The following CPEB3 variants were observed in gnomAD, a reference collection of about 807,000 sequenced individuals.
CPEB3 encodes cytoplasmic polyadenylation element-binding protein 3.
Under a neutral mutation model 67.2 loss-of-function variants are expected in CPEB3, and 20 were observed. That is an observed-to-expected ratio of 0.30 (90% CI 0.21 to 0.43). The LOEUF (loss-of-function observed/expected upper bound fraction) is 0.43, where lower values mean the gene tolerates loss of function less well. Among genes scored for constraint, CPEB3 ranks in the 20% least tolerant of loss-of-function variants. The probability of loss-of-function intolerance (pLI) is 1.00; values close to 1 mark genes in which losing one functional copy is unlikely to be tolerated. For missense variants in CPEB3, 746 were observed against 968.6 expected (o/e 0.77, Z 3.05); for synonymous variants, 376 against 393.1 (o/e 0.96, Z 0.51).
At chr10:92,194,116 A>G (rs1849118090) in intron 2 of CPEB3, among the ~76,000 whole-genome samples, 2 of 150,828 alleles carry the variant, frequency 1.3e-5, no homozygotes, top group African/African-American at 4.9e-5. Flanking sequence ...ATTTCTGACC[A>G]GTAAGTTACA....
intron 2 of CPEB3, among the ~76,000 whole-genome samples, chr10:92,211,810 T>C (rs1590399748): frequency 6.6e-6 from 1 of 150,410 alleles, no homozygotes; most frequent in Non-Finnish European, 1.5e-5. Context: ...CCCAAAGTGC[T>C]AGAATTATGG....
intron 2 of CPEB3, among the ~76,000 whole-genome samples, chr10:92,203,164 A>C (rs1461302179): frequency 6.6e-6 from 1 of 150,960 alleles, no homozygotes; most frequent in Non-Finnish European, 1.5e-5. Context: ...AATGGTCTTG[A>C]TCTCCGGACC....
In CPEB3 at chr10:92,078,615, A is replaced by C. The variant is rs538551042; in HGVS notation, c.1869+2705T>G. ...TAAATGTTTACCAAGGACTACTCTG[A>C]GATATAAACAGTATATGGTTAACCC... is the stretch of plus-strand genomic sequence containing the variant. On this transcript the variant is annotated intron_variant, in intron 9 of 9. Transcript: ENST00000265997. Among the ~76,000 whole-genome samples the C allele has an allele frequency of 2.0e-5, 3 of 152,314 alleles. No individual in the cohort carries two copies. In the East Asian group the frequency reaches 5.8e-4, roughly 29 times the overall value.
chr10:92,219,445 C>A (rs1346463908), intron 2 of CPEB3, among the ~76,000 whole-genome samples: 6 of 152,166 alleles, frequency 3.9e-5, no homozygotes, highest in Admixed American at 2.0e-4. Context: ...ATGCTTCAAC[C>A]TTCCATTATA....
intron 4 of CPEB3, among the ~76,000 whole-genome samples, chr10:92,163,225 A>G (rs1847580841): frequency 6.6e-6 from 1 of 152,216 alleles, no homozygotes; most frequent in Admixed American, 6.5e-5. Context: ...ACCTGAGGTC[A>G]GGAGTTCAAG....
intron 6 of CPEB3, among the ~76,000 whole-genome samples, chr10:92,138,614 T>A (rs1486379107): frequency 6.6e-6 from 1 of 152,020 alleles, no homozygotes; most frequent in Non-Finnish European, 1.5e-5. Context: ...TATTACTGAT[T>A]GTCAGCGAAA....
At chr10:92,078,052 C>T (rs1196909385) in intron 9 of CPEB3, among the ~76,000 whole-genome samples, 1 of 152,192 alleles carries the variant, frequency 6.6e-6, no homozygotes, top group East Asian at 1.9e-4. Context: ...CCACCATACA[C>T]ATACACAGTG....
intron 1 of CPEB3, among the ~76,000 whole-genome samples, chr10:92,258,628 ATATATATATATATATAT>A (rs1313809648): frequency 0.02 from 1,686 of 84,164 alleles, 110 homozygotes; most frequent in Non-Finnish European, 0.02. Context: ...TTTTTTGAAT[ATATATATATATATATAT>A]ATATATATAT....
In CPEB3 at chr10:92,052,104, C is replaced by T. The variant is rs562880416; in HGVS notation, c.*108G>A. ...AAAGACCCAATTCTTCTTTAAAAAT[C>T]GAGAACGAATGCACAGATTTCCAGA... On this transcript the variant is annotated 3_prime_UTR_variant, in exon 10 of 10. Coordinates refer to ENST00000265997, the MANE Select transcript of CPEB3 (RefSeq NM_014912.5). 182 of 657,758 alleles carry T rather than the reference C, an allele frequency of 2.8e-4. No individual in the cohort carries two copies. The highest frequency in any genetic ancestry group is 9.3e-4 in the South Asian group (47 of 50,376). 40.7% of individuals were successfully genotyped at this position (657,758 alleles called of 1,614,324 possible). A position where few individuals can be genotyped will look rare whatever the true frequency, so the allele number is the denominator to read the frequency against.
intron 8 of CPEB3, among the ~76,000 whole-genome samples, chr10:92,090,310 G>A (rs573537955): frequency 6.6e-6 from 1 of 152,318 alleles, no homozygotes; most frequent in South Asian, 2.1e-4. Flanking sequence ...GGGAGGCTGA[G>A]GTGGGTGGAT....
chr10:92,106,049 T>C (rs1389966104), intron 7 of CPEB3, among the ~76,000 whole-genome samples: 1 of 151,910 alleles, frequency 6.6e-6, no homozygotes, highest in African/African-American at 2.4e-5. Flanking sequence ...CCCACCACCA[T>C]ATCCGGCTAA....
chr10:92,139,481 C>T (rs1846285803), intron 6 of CPEB3, among the ~76,000 whole-genome samples: 2 of 132,458 alleles, frequency 1.5e-5, no homozygotes, highest in African/African-American at 5.7e-5. Flanking sequence ...AAAATCCAAA[C>T]AATTGAACTC....
intron 1 of CPEB3, among the ~76,000 whole-genome samples, chr10:92,242,380 G>T (rs1279095354): frequency 6.6e-6 from 1 of 152,172 alleles, no homozygotes. Flanking sequence ...GCTTTGATCA[G>T]TATTGCAAAA....
intron 4 of CPEB3, among the ~76,000 whole-genome samples, chr10:92,167,768 T>C (rs4642988): frequency 0.68 from 103,238 of 151,876 alleles, 36,929 homozygotes; most frequent in African/African-American, 0.91. Context: ...ATTAGCCAGG[T>C]GTGGTGGCGC....
intron 4 of CPEB3, among the ~76,000 whole-genome samples, chr10:92,169,666 T>C (rs1432780761): frequency 6.6e-6 from 1 of 152,228 alleles, no homozygotes; most frequent in Non-Finnish European, 1.5e-5. Context: ...GTATATTCCA[T>C]GGTAGGACCA....
intron 2 of CPEB3, among the ~76,000 whole-genome samples, chr10:92,213,575 T>C (rs993207809): frequency 1.3e-5 from 2 of 152,222 alleles, no homozygotes; most frequent in African/African-American, 4.8e-5. Flanking sequence ...ATCAATTTCA[T>C]TGAAGCTGGA....
In CPEB3 at chr10:92,075,403, A is replaced by G. The variant is rs553611437; in HGVS notation, c.1869+5917T>C. 3.9e-5 allele frequency among the ~76,000 whole-genome samples: 6 copies of G among 152,238 alleles called. No individual in the cohort carries two copies. The South Asian group carries it at 1.0e-3, about 26-fold the overall frequency. ...AAAGGCTGTACATTAAAACACCTCTATGTTTCTTAAGACATGAAATACGGG... is the reference window on the plus strand; with the variant it reads ...AAAGGCTGTACATTAAAACACCTCTGTGTTTCTTAAGACATGAAATACGGG... On this transcript the variant is annotated intron_variant, in intron 9 of 9. Transcript: ENST00000265997.
intron 2 of CPEB3, among the ~76,000 whole-genome samples, chr10:92,207,513 T>C (rs764471764): frequency 9.9e-5 from 15 of 152,190 alleles, no homozygotes; most frequent in Non-Finnish European, 2.1e-4. Context: ...AATGGGATAA[T>C]AATCGTATTT....
Position 92,048,964 on chromosome 10 carries a change from AGCAC to A in CPEB3, c.*3244_*3247del, listed in dbSNP as rs1426693286. On this transcript the variant is annotated 3_prime_UTR_variant, in exon 10 of 10. Coordinates refer to ENST00000265997, the MANE Select transcript of CPEB3 (RefSeq NM_014912.5). The surrounding 1 kb of genome is among the most constrained non-coding windows in gnomAD (Gnocchi z 4.1). The stretch of plus-strand genomic sequence containing the variant: ...AAACAACTCTATTAATGATTGAGAA[AGCAC>A]TCCTTAAAGAAAATACGAAATAAAA... 5.2e-5 allele frequency: 8 copies of A among 152,638 alleles called. No individual in the cohort carries two copies. Among genetic ancestry groups the A allele is most frequent in the African/African-American group, 1.9e-4 (8 of 41,472 alleles). 9.5% of individuals were successfully genotyped at this position (152,638 alleles called of 1,614,324 possible). A position where few individuals can be genotyped will look rare whatever the true frequency, so the allele number is the denominator to read the frequency against.
Sources: gnomAD v4.1 joint callset for allele counts (sites outside exome capture counted in the v4.1 genomes callset) on GRCh38, gnomAD v4.1.1 for gene constraint, Gnocchi (gnomAD v3.1) non-coding constraint, MANE v1.5 for transcripts, NCBI Gene and HGNC (gene_info 2026-07-23, HGNC 2026-07-21) for gene names.